SCGB2B2: variants seen among roughly 807,000 people sequenced by gnomAD.
SCGB2B2 encodes secretoglobin-like protein.
SCGB2B2 carries 11 observed loss-of-function variants against 7.6 expected under a neutral mutation model. The observed-to-expected ratio is 1.45, with a 90% confidence interval of 0.91 to 2.40. SCGB2B2 has a LOEUF of 2.40. Among genes scored for constraint, SCGB2B2 ranks in the 30% most tolerant of loss-of-function variants. SCGB2B2 has a pLI of 0.00. For missense variants in SCGB2B2, 104 were observed against 115.4 expected (o/e 0.90, Z 0.45); for synonymous variants, 50 against 48.6 (o/e 1.03, Z -0.12).
At chr19:34,612,019 A>ATTT (rs2065942979) in intron 1 of SCGB2B2, among the ~76,000 whole-genome samples, 1 of 42,994 alleles carries the variant, frequency 2.3e-5, no homozygotes, top group East Asian at 7.6e-4. Context: ...GTTTTAGAAA[A>ATTT]TTCTTTTTTT....
At chr19:34,588,252 G>T (rs2065224101), downstream of SCGB2B2, among the ~76,000 whole-genome samples, 1 of 152,170 alleles carries the variant, frequency 6.6e-6, no homozygotes, top group Non-Finnish European at 1.5e-5. Context: ...TTCAATCTTG[G>T]AAGGTTGTAT....
chr19:34,640,025 C>A (rs2066796677), intron 1 of SCGB2B2, among the ~76,000 whole-genome samples: 1 of 152,092 alleles, frequency 6.6e-6, no homozygotes, highest in Non-Finnish European at 1.5e-5. Context: ...TTATGGCCAA[C>A]CAAACCTTCC....
downstream of SCGB2B2, among the ~76,000 whole-genome samples, chr19:34,588,970 T>C (rs2065241624): frequency 6.6e-6 from 1 of 151,100 alleles, no homozygotes; most frequent in African/African-American, 2.4e-5. Flanking sequence ...AGAGGGAGGG[T>C]GGAGGATCAG....
At chr19:34,594,409 G>T in intron 2 of SCGB2B2, 50 bp from the exon 3 acceptor site, 1 of 1,601,784 alleles carries the variant, frequency 6.2e-7, no homozygotes, top group South Asian at 1.1e-5. Flanking sequence ...AGAATTCAGC[G>T]AAACCTCCCA....
intron 1 of SCGB2B2, among the ~76,000 whole-genome samples, chr19:34,605,577 T>G (rs1271361259): frequency 6.6e-6 from 1 of 152,200 alleles, no homozygotes; most frequent in Non-Finnish European, 1.5e-5. Context: ...CTTAAAATTT[T>G]ATTTATTCAT....
At chr19:34,606,083 TA>T (rs1328592888) in intron 1 of SCGB2B2, among the ~76,000 whole-genome samples, 1 of 151,666 alleles carries the variant, frequency 6.6e-6, no homozygotes, top group Non-Finnish European at 1.5e-5. Context: ...TAAAATTTTT[TA>T]AAAAAATTTT....
chr19:34,635,150 TA>T, intron 1 of SCGB2B2: 2 of 299,910 alleles, frequency 6.7e-6, no homozygotes. Context: ...TAGCTTTGTC[TA>T]AAGGATTTCC....
chr19:34,634,884 A>G, intron 1 of SCGB2B2: 1 of 279,092 alleles, frequency 3.6e-6, no homozygotes, highest in African/African-American at 2.3e-5. Context: ...GTGTAAAATG[A>G]GGCTGGATCT....
At chr19:34,644,362 G>GTTTTTTTTTTTTTTTTTTTTTT (rs75799133) in intron 1 of SCGB2B2, among the ~76,000 whole-genome samples, 1 of 134,358 alleles carries the variant, frequency 7.4e-6, no homozygotes, top group South Asian at 2.4e-4. Flanking sequence ...TTTTTTTTTT[G>GTTTTTTTTTTTTTTTTTTTTTT]TTTTTTTTTT....
chr19:34,585,588 T>G, the SCGB2B2 span, among the ~76,000 whole-genome samples: 12 of 152,126 alleles, frequency 7.9e-5, no homozygotes, highest in African/African-American at 2.9e-4. Flanking sequence ...GGAGACAGAG[T>G]TATCATCAAA....
intron 1 of SCGB2B2, among the ~76,000 whole-genome samples, chr19:34,630,021 C>A (rs1052340772): frequency 1.3e-5 from 2 of 151,858 alleles, no homozygotes; most frequent in Non-Finnish European, 2.9e-5. Context: ...GAAAGGATTC[C>A]CTATTTAATA....
intron 1 of SCGB2B2, among the ~76,000 whole-genome samples, chr19:34,670,495 T>C (rs1037398490): frequency 6.6e-6 from 1 of 152,248 alleles, no homozygotes; most frequent in Non-Finnish European, 1.5e-5. Flanking sequence ...TAATAACTAA[T>C]GTTTACAATT....
downstream of SCGB2B2, among the ~76,000 whole-genome samples, chr19:34,587,167 C>T (rs770985880): frequency 2.0e-5 from 3 of 152,110 alleles, no homozygotes; most frequent in Non-Finnish European, 4.4e-5. Context: ...CTCGGCCTCC[C>T]AAAGTGTTGG....
At chr19:34,625,278 C>T (rs1004610495) in intron 1 of SCGB2B2, among the ~76,000 whole-genome samples, 47 of 152,140 alleles carry the variant, frequency 3.1e-4, no homozygotes, top group African/African-American at 1.1e-3. Flanking sequence ...GGGTGCAGGA[C>T]AGTGGGTGCA....
chr19:34,612,968 C>A (rs958336102), intron 1 of SCGB2B2, among the ~76,000 whole-genome samples: 1 of 152,144 alleles, frequency 6.6e-6, no homozygotes, highest in Non-Finnish European at 1.5e-5. Context: ...ATCCTTTTAT[C>A]ATTATGAATG....
chr19:34,594,481 G>T, intron 2 of SCGB2B2, 22 bp downstream of exon 2: 1 of 1,613,238 alleles, frequency 6.2e-7, no homozygotes, highest in Non-Finnish European at 8.5e-7. Flanking sequence ...CTTCCTCCCA[G>T]CCCTGCTCGC....
chr19:34,654,700 G>A (rs1462154963), intron 1 of SCGB2B2, among the ~76,000 whole-genome samples: 1 of 150,442 alleles, frequency 6.6e-6, no homozygotes, highest in African/African-American at 2.5e-5. Flanking sequence ...AGAAGGAACT[G>A]CATGCAAAAA....
intron 1 of SCGB2B2, among the ~76,000 whole-genome samples, chr19:34,663,943 G>C (rs1205690917): frequency 1.3e-5 from 2 of 152,010 alleles, no homozygotes; most frequent in African/African-American, 4.8e-5. Context: ...GCCTGCCCCA[G>C]CTCCTCCACA....
chr19:34,624,895 G>GGCACAAA (rs2066328063), intron 1 of SCGB2B2, among the ~76,000 whole-genome samples: 1 of 152,198 alleles, frequency 6.6e-6, no homozygotes, highest in Non-Finnish European at 1.5e-5. Context: ...TTAATAGGCT[G>GGCACAAA]ACAGGGGCCC....
Sources: allele counts gnomAD v4.1 joint callset (sites outside exome capture counted in the v4.1 genomes callset), GRCh38; gene constraint gnomAD v4.1.1; transcripts MANE v1.5; gene names NCBI Gene and HGNC (gene_info 2026-07-23, HGNC 2026-07-21).